PARD3B: variants seen among roughly 807,000 people sequenced by gnomAD.
PARD3B encodes the protein par-3 family cell polarity regulator beta, also known as partitioning defective 3 homolog B.
In PARD3B, 103 loss-of-function variants were observed where a neutral mutation model predicts 130.2. That is an observed-to-expected ratio of 0.79 (90% CI 0.67 to 0.93). The LOEUF is 0.93. Ranked by LOEUF, PARD3B falls within the 40% of genes least tolerant of loss-of-function variation. The pLI is 0.00. For synonymous variants in PARD3B, 583 were observed against 553.2 expected (o/e 1.05, Z -0.76); for missense variants, 1,609 against 1,499.2 (o/e 1.07, Z -1.21).
At chr2:205,443,370 G>A (rs2047793988) in intron 20 of PARD3B, among the ~76,000 whole-genome samples, 1 of 152,074 alleles carries the variant, frequency 6.6e-6, no homozygotes, top group Admixed American at 6.6e-5. Context: ...GACACCTAAT[G>A]TGTTCCAACT....
At chr2:204,733,508 G>T (rs60571062) in intron 2 of PARD3B, among the ~76,000 whole-genome samples, 3,293 of 130,086 alleles carry the variant, frequency 0.025, 46 homozygotes, top group Middle Eastern at 0.094. Flanking sequence ...GGTAGAAATT[G>T]TCTGGAATTG....
chr2:204,691,282 A>G (rs1250329882), intron 2 of PARD3B, among the ~76,000 whole-genome samples: 1 of 152,084 alleles, frequency 6.6e-6, no homozygotes, highest in Non-Finnish European at 1.5e-5. Context: ...CATCTATTAT[A>G]TAAAGTCAAT....
At chr2:205,419,145 G>A (rs544401634) in intron 19 of PARD3B, among the ~76,000 whole-genome samples, 3 of 152,130 alleles carry the variant, frequency 2.0e-5, no homozygotes, top group East Asian at 1.9e-4. Context: ...AATTCCCATG[G>A]GTCATGGGAG....
rs1226095374 is a variant in PARD3B at position 204,907,553 on chromosome 2, C to T, written c.223-57599C>T. ...TCACTCTGGGTGGTAATGCAAGGCA[C>T]ATTGGGGGCTCAGCCAAAGCCTTAG... On this transcript the variant is annotated intron_variant, in intron 2 of 22. Coordinates refer to ENST00000406610, the MANE Select transcript of PARD3B (RefSeq NM_001302769.2). The surrounding 1 kb of genome is among the most constrained non-coding windows in gnomAD (Gnocchi z 5.7). Among the ~76,000 whole-genome samples the T allele has an allele frequency of 2.0e-5, 3 of 152,122 alleles. No individual in the cohort carries two copies. Among genetic ancestry groups the T allele is most frequent in the Non-Finnish European group, 4.4e-5 (3 of 68,018 alleles).
At chr2:205,054,680 G>C (rs182485715) in intron 4 of PARD3B, among the ~76,000 whole-genome samples, 3 of 151,468 alleles carry the variant, frequency 2.0e-5, no homozygotes, top group East Asian at 2.0e-4. Flanking sequence ...AACTGAATGG[G>C]TTTTGTTTTC....
chr2:205,289,896 C>G (rs1193033758), intron 16 of PARD3B, among the ~76,000 whole-genome samples: 1 of 152,148 alleles, frequency 6.6e-6, no homozygotes, highest in East Asian at 1.9e-4. Context: ...AAGGCCCTTA[C>G]CAGATGTGGC....
intron 1 of PARD3B, among the ~76,000 whole-genome samples, chr2:204,548,653 C>A (rs1242915613): frequency 6.6e-6 from 1 of 152,110 alleles, no homozygotes; most frequent in Non-Finnish European, 1.5e-5. Flanking sequence ...ACTGCTATAT[C>A]ACATCAACCT....
intron 1 of PARD3B, among the ~76,000 whole-genome samples, chr2:204,596,209 T>C (rs910510438): frequency 2.6e-5 from 4 of 152,172 alleles, no homozygotes; most frequent in African/African-American, 9.7e-5. Flanking sequence ...AACAAACTTT[T>C]TGTGAAAAAT....
At chr2:205,581,397 A>AAG (rs201554208) in intron 22 of PARD3B, among the ~76,000 whole-genome samples, 4 of 23,542 alleles carry the variant, frequency 1.7e-4, no homozygotes, top group East Asian at 4.7e-3. Context: ...ATATATATAA[A>AAG]TATATATATA....
chr2:204,722,467 C>G (rs2039040526), intron 2 of PARD3B, among the ~76,000 whole-genome samples: 2 of 152,122 alleles, frequency 1.3e-5, no homozygotes, highest in African/African-American at 4.8e-5. Context: ...AAACCAGGAC[C>G]CTGAAATGCT....
chr2:205,127,763 T>C (rs1342575726), intron 10 of PARD3B, among the ~76,000 whole-genome samples: 1 of 152,212 alleles, frequency 6.6e-6, no homozygotes, highest in Admixed American at 6.5e-5. Context: ...CATGCAGATA[T>C]AGTCCCCATT....
intron 19 of PARD3B, among the ~76,000 whole-genome samples, chr2:205,418,752 A>C (rs1336669158): frequency 6.6e-6 from 1 of 152,160 alleles, no homozygotes; most frequent in East Asian, 1.9e-4. Context: ...GAAAATTTTC[A>C]TTTAAAATCT....
At chr2:205,455,205 C>T (rs1456028930) in intron 20 of PARD3B, among the ~76,000 whole-genome samples, 1 of 152,052 alleles carries the variant, frequency 6.6e-6, no homozygotes, top group African/African-American at 2.4e-5. Context: ...GTTTCCACAT[C>T]TGTAAAATGA....
At chr2:204,888,905 T>C (rs1338902454) in intron 2 of PARD3B, among the ~76,000 whole-genome samples, 4 of 152,006 alleles carry the variant, frequency 2.6e-5, no homozygotes, top group Non-Finnish European at 5.9e-5. Flanking sequence ...GCTGGTAAAT[T>C]GTATATAAGC....
At chr2:205,181,340 C>T (rs1252019305) in intron 13 of PARD3B, among the ~76,000 whole-genome samples, 3 of 152,168 alleles carry the variant, frequency 2.0e-5, no homozygotes, top group Non-Finnish European at 4.4e-5. Context: ...TTGAATTATA[C>T]GTTTCAATTT....
intron 20 of PARD3B, among the ~76,000 whole-genome samples, chr2:205,471,776 A>G (rs1205332138): frequency 6.6e-6 from 1 of 152,238 alleles, no homozygotes; most frequent in Admixed American, 6.5e-5. Context: ...GTCTGTTTAC[A>G]TGCCACATGA....
At chr2:205,484,949 A>G (rs2049381163) in intron 20 of PARD3B, among the ~76,000 whole-genome samples, 1 of 152,292 alleles carries the variant, frequency 6.6e-6, no homozygotes, top group South Asian at 2.1e-4. Context: ...AATTGTCAGC[A>G]GCAGAGTGCC....
intron 2 of PARD3B, among the ~76,000 whole-genome samples, chr2:204,904,938 T>C (rs1238763697): frequency 6.6e-6 from 1 of 152,226 alleles, no homozygotes; most frequent in Admixed American, 6.5e-5. Flanking sequence ...ACTGAATCAC[T>C]GTTGTACTGC....
At chr2:204,992,088 C>G (rs1575499412) in intron 3 of PARD3B, among the ~76,000 whole-genome samples, 1 of 151,900 alleles carries the variant, frequency 6.6e-6, no homozygotes, top group South Asian at 2.1e-4. Flanking sequence ...TTAATTAGAT[C>G]CCATTTGTCA....
Sources: allele counts gnomAD v4.1 joint callset (sites outside exome capture counted in the v4.1 genomes callset), GRCh38; gene constraint gnomAD v4.1.1; non-coding constraint Gnocchi (gnomAD v3.1); transcripts MANE v1.5; gene names NCBI Gene and HGNC (gene_info 2026-07-23, HGNC 2026-07-21).